Variants in AOPEP observed in about 807,000 individuals in gnomAD.
The protein encoded by AOPEP is aminopeptidase O (putative).
Under a neutral mutation model 98.1 loss-of-function variants are expected in AOPEP, and 77 were observed. The observed-to-expected ratio is 0.78, with a 90% CI of 0.65 to 0.95. The LOEUF is 0.95. Among genes scored for constraint, AOPEP ranks in the 40% least tolerant of loss-of-function variants. AOPEP has a pLI of 0.00. For synonymous variants in AOPEP, 346 were observed against 365.3 expected (o/e 0.95, Z 0.60); for missense variants, 1,024 against 1,024.7 (o/e 1.00, Z 0.01).
intron 1 of AOPEP, among the ~76,000 whole-genome samples, chr9:94,738,445 C>A (rs1024105366): frequency 6.6e-6 from 1 of 152,022 alleles, no homozygotes; most frequent in Non-Finnish European, 1.5e-5. Flanking sequence ...AGTTCTCTGG[C>A]GGTTTTCAGA....
At chr9:95,135,333 A>T in the AOPEP span, 3 of 1,613,340 alleles carry the variant, frequency 1.9e-6, no homozygotes, top group Non-Finnish European at 2.5e-6. Flanking sequence ...CTTCATCAAA[A>T]CCCAGTACGT....
At position 94,816,886 on chromosome 9, in the gene AOPEP, C is replaced by T. The variant is rs975927436; in HGVS notation, c.1364+15884C>T. Reference sequence around the variant, plus strand: ...AACGGTCAAGGTTCTAACAGGGCCACGAAGGCCTGTGCACATGGTGTTTCA... The same window carrying T: ...AACGGTCAAGGTTCTAACAGGGCCATGAAGGCCTGTGCACATGGTGTTTCA... On this transcript the variant is annotated intron_variant, in intron 5 of 16. Coordinates refer to ENST00000375315, the MANE Select transcript of AOPEP (RefSeq NM_001193329.3). 2.6e-5 allele frequency among the ~76,000 whole-genome samples: 4 copies of T among 152,142 alleles called. No homozygotes were observed. In the South Asian group the frequency reaches 6.2e-4, roughly 24 times the overall value.
At chr9:94,860,591 G>GAGT (rs2044817483) in intron 5 of AOPEP, among the ~76,000 whole-genome samples, 1 of 152,128 alleles carries the variant, frequency 6.6e-6, no homozygotes, top group African/African-American at 2.4e-5. Flanking sequence ...GAAAATTGGA[G>GAGT]AGTTCCAAGA....
chr9:95,141,985 G>GTTTTTT, the AOPEP span, among the ~76,000 whole-genome samples: 68 of 83,142 alleles, frequency 8.2e-4, 1 homozygote, highest in African/African-American at 1.4e-3. Context: ...AGTTTGTGGG[G>GTTTTTT]TTTTTTTTTT....
chr9:94,889,646 C>T (rs1365382469), intron 5 of AOPEP, among the ~76,000 whole-genome samples: 1 of 152,156 alleles, frequency 6.6e-6, no homozygotes, highest in Non-Finnish European at 1.5e-5. Flanking sequence ...AGCCACCGCA[C>T]CTGGTCATCA....
In AOPEP at chr9:94,760,076, A is replaced by C; in HGVS notation, c.293A>C (p.Asp98Ala). Reference sequence around the variant, plus strand: ...TTCTCATCTGAAATGGAATATAATGATTTTGCAATCTGTAGTAAAGGTGAA... The same window carrying C: ...TTCTCATCTGAAATGGAATATAATGCTTTTGCAATCTGTAGTAAAGGTGAA... ...RTFSSEMEYN[D>A]FAICSKGEKD... Residue 98 changes from aspartate to alanine, a missense_variant, in exon 2 of 17, where the codon GAT becomes GCT. Physicochemically the swap from Asp to Ala is moderately radical, Grantham distance 126 (BLOSUM62 -2). Transcript: ENST00000375315. 6.2e-7 allele frequency: 1 copy of C among 1,614,214 alleles called. No individual in the cohort carries two copies. The highest frequency in any genetic ancestry group is 8.5e-7 in the Non-Finnish European group (1 of 1,180,042).
At chr9:95,030,285 G>A (rs542132187) in intron 13 of AOPEP, among the ~76,000 whole-genome samples, 30 of 152,296 alleles carry the variant, frequency 2.0e-4, no homozygotes, top group Admixed American at 1.2e-3. Flanking sequence ...TTATATATTT[G>A]TGACTTTGAC....
intron 10 of AOPEP, among the ~76,000 whole-genome samples, chr9:94,976,340 C>T (rs1008975691): frequency 6.6e-6 from 1 of 152,136 alleles, no homozygotes; most frequent in Non-Finnish European, 1.5e-5. Flanking sequence ...CTCCATGCCA[C>T]CCCTAGAGAA....
chr9:94,728,343 T>C (rs1430993249), intron 1 of AOPEP, among the ~76,000 whole-genome samples: 2 of 152,148 alleles, frequency 1.3e-5, no homozygotes, highest in African/African-American at 4.8e-5. Flanking sequence ...TTTGGAGTCC[T>C]CAGGGAATGG....
chr9:94,927,496 A>G (rs915195959), intron 6 of AOPEP, among the ~76,000 whole-genome samples: 2 of 152,012 alleles, frequency 1.3e-5, no homozygotes, highest in Non-Finnish European at 2.9e-5. Flanking sequence ...TCCTGGCCCG[A>G]CGTGCCTTGC....
chr9:94,928,553 C>T (rs1446285973), intron 7 of AOPEP, 22 bp downstream of exon 7: 24 of 1,485,932 alleles, frequency 1.6e-5, no homozygotes, highest in Non-Finnish European at 2.1e-5. Context: ...TGGTGATCCA[C>T]AGCCCTCTCA....
the AOPEP span, among the ~76,000 whole-genome samples, chr9:95,108,117 T>C: frequency 6.6e-6 from 1 of 152,176 alleles, no homozygotes; most frequent in Admixed American, 6.5e-5. Flanking sequence ...CCATGACCGA[T>C]TTTATGGATT....
intron 1 of AOPEP, among the ~76,000 whole-genome samples, chr9:94,745,278 A>AT (rs547764225): frequency 0.013 from 1,859 of 141,794 alleles, 45 homozygotes; most frequent in African/African-American, 0.041. Context: ...AATTGTTTTA[A>AT]TTTTTTTTTT....
chr9:94,755,219 G>A (rs570453677), intron 1 of AOPEP, among the ~76,000 whole-genome samples: 1 of 152,306 alleles, frequency 6.6e-6, no homozygotes, highest in South Asian at 2.1e-4. Flanking sequence ...GCTTCAGTGA[G>A]ACAGGCTGGC....
chr9:95,000,430 G>A (rs1018070356), intron 11 of AOPEP, among the ~76,000 whole-genome samples: 2 of 151,994 alleles, frequency 1.3e-5, no homozygotes, highest in African/African-American at 2.4e-5. Flanking sequence ...ATAGATGGCC[G>A]GTCACGGTGG....
chr9:95,112,415 A>G, the AOPEP span, among the ~76,000 whole-genome samples: 1 of 152,142 alleles, frequency 6.6e-6, no homozygotes. Flanking sequence ...GGAATTCCCA[A>G]GCTCTAAGCA....
intron 5 of AOPEP, among the ~76,000 whole-genome samples, chr9:94,820,631 A>G (rs1173516144): frequency 2.6e-5 from 4 of 152,244 alleles, no homozygotes; most frequent in African/African-American, 9.6e-5. Context: ...TGGTATATTT[A>G]AATAGTCAGT....
At chr9:94,815,268 C>T (rs1286169762) in intron 5 of AOPEP, among the ~76,000 whole-genome samples, 1 of 152,146 alleles carries the variant, frequency 6.6e-6, no homozygotes, top group Admixed American at 6.5e-5. Context: ...ACTAGAGATT[C>T]ATGAGTTACC....
intron 5 of AOPEP, among the ~76,000 whole-genome samples, chr9:94,896,583 A>G (rs1392318589): frequency 6.6e-6 from 1 of 152,236 alleles, no homozygotes; most frequent in Non-Finnish European, 1.5e-5. Context: ...TGATGTGATG[A>G]GAACGCACTT....
Sources: gnomAD v4.1 joint callset for allele counts (sites outside exome capture counted in the v4.1 genomes callset) on GRCh38, gnomAD v4.1.1 for gene constraint, MANE v1.5 for transcripts, NCBI Gene and HGNC (gene_info 2026-07-23, HGNC 2026-07-21) for gene names.